The following MSANTD4 variants were observed in gnomAD, a reference collection of about 807,000 sequenced individuals.
MSANTD4 encodes the protein myb/SANT-like DNA-binding domain-containing protein 4.
A neutral mutation model predicts 34.3 loss-of-function variants in MSANTD4; 13 were observed. The ratio of observed to expected loss-of-function variants is 0.38; its 90% CI spans 0.25 to 0.60. The LOEUF is 0.60. Among genes scored for constraint, MSANTD4 ranks in the 20% least tolerant of loss-of-function variants. The pLI, the probability that MSANTD4 is intolerant of heterozygous loss-of-function variation, is 0.63. For synonymous variants in MSANTD4, 137 were observed against 145.2 expected, an observed-to-expected ratio of 0.94 and a Z score of 0.41; for missense variants, 358 against 401.8, an observed-to-expected ratio of 0.89 and a Z score of 0.93.
intron 1 of MSANTD4, among the ~76,000 whole-genome samples, chr11:106,019,055 C>T (rs997972729): frequency 2.6e-5 from 4 of 152,272 alleles, no homozygotes; most frequent in Non-Finnish European, 5.9e-5. Flanking sequence ...ACTTCCCTTG[C>T]TCTTCCTCTC....
chr11:106,019,053 T>C (rs901016549), intron 1 of MSANTD4, among the ~76,000 whole-genome samples: 2 of 152,190 alleles, frequency 1.3e-5, no homozygotes, highest in African/African-American at 4.8e-5. Context: ...TTACTTCCCT[T>C]GCTCTTCCTC....
intron 1 of MSANTD4, among the ~76,000 whole-genome samples, chr11:106,014,632 A>C (rs1859793735): frequency 6.6e-6 from 1 of 152,224 alleles, no homozygotes; most frequent in Non-Finnish European, 1.5e-5. Flanking sequence ...GTGGATGCTA[A>C]TACCTTATTT....
chr11:106,010,342 T>C (rs746762177), intron 2 of MSANTD4, 114 bp downstream of exon 2: 232 of 1,450,876 alleles, frequency 1.6e-4, no homozygotes, highest in Non-Finnish European at 2.0e-4. Context: ...TGACTTGTTA[T>C]GTACTATTTT....
chr11:106,012,140 T>C (rs918340471), intron 1 of MSANTD4, among the ~76,000 whole-genome samples: 2 of 23,602 alleles, frequency 8.5e-5, no homozygotes, highest in African/African-American at 2.5e-4. Flanking sequence ...CAAAAAAAGA[T>C]AACCAAAAAA....
chr11:106,015,707 CT>C lies in MSANTD4; in HGVS notation c.-150-4641del, dbSNP rs759389399. On this transcript the variant is annotated intron_variant, in intron 1 of 2. Transcript: ENST00000301919. ...ATACTACAGAATTGTCAAATTAGAA[CT>C]TTTTTTTTTTTTTGAGTGGGCAGAG... Among the ~76,000 whole-genome samples, 1,123 of 144,156 alleles carry C rather than the reference CT, an allele frequency of 7.8e-3. 3 individuals carry two copies. The highest frequency in any genetic ancestry group is 0.016 in the African/African-American group (629 of 39,650). 94.6% of individuals were successfully genotyped at this position (144,156 alleles called of 152,430 possible).
chr11:106,010,254 T>C (rs1375885915), intron 2 of MSANTD4, 144 bp from the exon 3 acceptor site: 16 of 1,112,874 alleles, frequency 1.4e-5, no homozygotes, highest in Non-Finnish European at 1.7e-5. Context: ...AATTACTTGA[T>C]GTCTGTAATA....
At position 106,010,025 on chromosome 11, in the gene MSANTD4, A is replaced by C. The variant is rs1443675019; in HGVS notation, c.548T>G (p.Ile183Ser). Residue 183 changes from isoleucine (I) to serine (S), a missense_variant, in exon 3 of 3, where the codon ATT (isoleucine) becomes AGT (serine). By Grantham distance (142) the Ile-to-Ser change is moderately radical. Transcript: ENST00000301919. ...RENELPDFPH[I>S]DEFFTLNSTP... ...TGAGTTAAGGGTAAAAAACTCATCAATGTGGGGGAAATCGGGAAGTTCATT... is the reference window on the plus strand; with the variant it reads ...TGAGTTAAGGGTAAAAAACTCATCACTGTGGGGGAAATCGGGAAGTTCATT... 6 of 1,603,534 alleles carry C rather than the reference A, an allele frequency of 3.7e-6. No individual in the cohort carries two copies. The highest frequency in any genetic ancestry group is 5.1e-6 in the Non-Finnish European group (6 of 1,179,818).
intron 1 of MSANTD4, among the ~76,000 whole-genome samples, chr11:106,013,838 G>C (rs1859767942): frequency 6.6e-6 from 1 of 152,216 alleles, no homozygotes; most frequent in South Asian, 2.1e-4. Context: ...CCCCAACCTG[G>C]GGGAAACAGT....
rs1318656897 is a variant in MSANTD4, at chr11:106,008,001, A to T, written c.*1534T>A. The stretch of plus-strand genomic sequence containing the variant: ...AGTCAGAGTAAGTAAACAGAAGTAT[A>T]TTTTTTCCTTGCATACCCATCCTCA... On this transcript the variant is annotated 3_prime_UTR_variant, in exon 3 of 3. Coordinates refer to ENST00000301919, the MANE Select transcript of MSANTD4 (RefSeq NM_032424.3). 1 of 152,624 alleles carries T rather than the reference A, an allele frequency of 6.6e-6. No individual in the cohort carries two copies. Among genetic ancestry groups the T allele is most frequent in the Non-Finnish European group, 1.5e-5 (1 of 68,026 alleles). 9.5% of individuals were successfully genotyped at this position (152,624 alleles called of 1,614,324 possible).
At chr11:106,018,923 G>A (rs1181930879) in intron 1 of MSANTD4, among the ~76,000 whole-genome samples, 2 of 152,202 alleles carry the variant, frequency 1.3e-5, no homozygotes, top group African/African-American at 4.8e-5. Flanking sequence ...GACTGAATTA[G>A]TAGTATAAAT....
At chr11:106,010,233 C>A in intron 2 of MSANTD4, 123 bp from the exon 3 acceptor site, 2 of 1,157,432 alleles carry the variant, frequency 1.7e-6, no homozygotes, top group Non-Finnish European at 2.4e-6. Context: ...TTTTGAATAT[C>A]ATTTACACTG....
chr11:106,011,866 A>AT (rs1198599215), intron 1 of MSANTD4, among the ~76,000 whole-genome samples: 15 of 152,240 alleles, frequency 9.9e-5, no homozygotes, highest in African/African-American at 3.6e-4. Context: ...CAAAATCAAT[A>AT]AAACTCAGAA....
chr11:106,013,344 T>C (rs936058792), intron 1 of MSANTD4, among the ~76,000 whole-genome samples: 10 of 152,254 alleles, frequency 6.6e-5, no homozygotes, highest in Non-Finnish European at 8.8e-5. Context: ...CCTGTCAATA[T>C]GAAAAAAAGT....
intron 1 of MSANTD4, among the ~76,000 whole-genome samples, chr11:106,014,148 T>A (rs1249695795): frequency 6.6e-6 from 1 of 152,192 alleles, no homozygotes; most frequent in Admixed American, 6.5e-5. Context: ...ATATCGATAT[T>A]TTTTAAAAAA....
At chr11:106,019,749 A>G (rs899122799) in intron 1 of MSANTD4, among the ~76,000 whole-genome samples, 3 of 152,242 alleles carry the variant, frequency 2.0e-5, no homozygotes, top group African/African-American at 7.2e-5. Flanking sequence ...CTGCTATCAA[A>G]TAATTTGCAA....
intron 1 of MSANTD4, among the ~76,000 whole-genome samples, chr11:106,020,631 C>G (rs971923236): frequency 6.6e-6 from 1 of 152,078 alleles, no homozygotes; most frequent in Non-Finnish European, 1.5e-5. Context: ...ACCACTGAGT[C>G]AATATATTTT....
rs184853054 is a variant in MSANTD4, at chr11:106,010,648, C to T, written c.270G>A (p.Lys90=). Residue 90 remains lysine (K), a synonymous_variant, in exon 2 of 3, where the codon AAG becomes AAA. Transcript: ENST00000301919. ...GAAGGGGAAATCCTGAACCAACCAG[C>T]TTAATGTTGGCCTTCATCCTCTTTC... ...MKRKRMKANI[K]LVGSGFPLPS... is the part of the protein sequence containing the mutation. 1.2e-6 allele frequency: 2 copies of T among 1,614,128 alleles called. No homozygotes were observed. The highest frequency in any genetic ancestry group is 1.7e-5 in the Admixed American group (1 of 60,012).
chr11:106,017,478 ATTAT>A (rs554256154), intron 1 of MSANTD4, among the ~76,000 whole-genome samples: 54 of 152,232 alleles, frequency 3.5e-4, no homozygotes, highest in Non-Finnish European at 5.1e-4. Context: ...AGAGAACTAC[ATTAT>A]TTAAAGTCCC....
At chr11:106,018,194 T>G (rs1351823961) in intron 1 of MSANTD4, among the ~76,000 whole-genome samples, 2 of 152,240 alleles carry the variant, frequency 1.3e-5, no homozygotes, top group East Asian at 3.8e-4. Context: ...GTCAATATAT[T>G]ATTTCAATAT....
Sources: gnomAD v4.1 joint callset for allele counts (sites outside exome capture counted in the v4.1 genomes callset) on GRCh38, gnomAD v4.1.1 for gene constraint, MANE v1.5 for transcripts, NCBI Gene and HGNC (gene_info 2026-07-23, HGNC 2026-07-21) for gene names.